FAM184A: variants seen among roughly 807,000 people sequenced by gnomAD.
FAM184A encodes family with sequence similarity 184 member A.
A neutral mutation model predicts 143.8 loss-of-function variants in FAM184A; 99 were observed. The ratio of observed to expected loss-of-function variants is 0.69; its 90% CI spans 0.58 to 0.81. The LOEUF is 0.81. FAM184A is among the 40% of genes least tolerant of loss of function. The pLI is 0.00. For missense variants in FAM184A, 1,217 were observed against 1,310.5 expected (o/e 0.93, Z 1.10); for synonymous variants, 427 against 446.4 (o/e 0.96, Z 0.55).
At chr6:118,973,798 T>G (rs1783766160) in intron 14 of FAM184A, among the ~76,000 whole-genome samples, 1 of 152,158 alleles carries the variant, frequency 6.6e-6, no homozygotes. Flanking sequence ...AATTAGAAAC[T>G]TTGGTTTTAA....
At chr6:118,984,887 C>G (rs1392769076) in intron 9 of FAM184A, among the ~76,000 whole-genome samples, 1 of 152,178 alleles carries the variant, frequency 6.6e-6, no homozygotes. Context: ...GAATTGGGCC[C>G]AGGCTGCCTA....
rs74402272 is a variant in FAM184A at position 119,025,553 on chromosome 6, C to A, written c.160-740G>T. The A allele has an allele frequency of 1.2e-3, 638 of 518,768 alleles. 3 individuals are homozygous for A. The highest frequency in any genetic ancestry group is 0.011 in the African/African-American group (565 of 52,014). The allele number at this position is 518,768 out of a possible 1,614,324, so 32.1% of individuals were successfully genotyped here. A position where few individuals can be genotyped will look rare whatever the true frequency, so the allele number is the denominator to read the frequency against. Reference sequence around the variant, plus strand: ...ACAGGTCTTTATTTTCATTTTAGTTCCTAGGTTTTAATGATTTCACTGAGA... The same window carrying A: ...ACAGGTCTTTATTTTCATTTTAGTTACTAGGTTTTAATGATTTCACTGAGA... On this transcript the variant is annotated intron_variant, in intron 1 of 17. Transcript: ENST00000338891.
chr6:119,054,921 C>A (rs1441266452), intron 1 of FAM184A, among the ~76,000 whole-genome samples: 2 of 152,042 alleles, frequency 1.3e-5, no homozygotes, highest in African/African-American at 4.8e-5. Context: ...AATTCACCCC[C>A]TTTAAAGTGT....
intron 1 of FAM184A, among the ~76,000 whole-genome samples, chr6:119,060,191 T>C (rs1787174877): frequency 6.6e-6 from 1 of 152,232 alleles, no homozygotes; most frequent in Non-Finnish European, 1.5e-5. Flanking sequence ...TCAGTTACAA[T>C]TCAAAGCTCC....
In FAM184A at chr6:119,049,641, T is replaced by C. The variant is rs566744463; in HGVS notation, c.160-24828A>G. 8.5e-5 allele frequency among the ~76,000 whole-genome samples: 13 copies of C among 152,186 alleles called. No homozygotes were observed. In the South Asian group the frequency reaches 1.9e-3, roughly 22 times the overall value. On this transcript the variant is annotated intron_variant, in intron 1 of 17. Transcript: ENST00000338891. Reference sequence around the variant, plus strand: ...TAACTGGCTAGCCATATGTAGAAGATTGGAATTGGACCCCTTCCTTACACC... The same window carrying C: ...TAACTGGCTAGCCATATGTAGAAGACTGGAATTGGACCCCTTCCTTACACC...
rs77063734 is a variant in FAM184A at position 119,004,237 on chromosome 6, C to T, written c.1816-615G>A. 1.3e-4 allele frequency among the ~76,000 whole-genome samples: 20 copies of T among 152,314 alleles called. No individual in the cohort carries two copies. The East Asian group carries it at 3.5e-3, about 26-fold the overall frequency. On this transcript the variant is annotated intron_variant, in intron 7 of 17. Transcript: ENST00000338891. The stretch of plus-strand genomic sequence containing the variant: ...TGACCTGTTTGGACAACAGTGGCAA[C>T]CATCGGCCCCTGCCAGCAGAGCAGC...
At chr6:119,070,293 T>C (rs931942204) in intron 1 of FAM184A, among the ~76,000 whole-genome samples, 3 of 152,168 alleles carry the variant, frequency 2.0e-5, no homozygotes, top group Non-Finnish European at 4.4e-5. Context: ...CAAATGACAG[T>C]TGTTCACTGA....
chr6:119,097,996 A>G (rs1788551203), intron 1 of FAM184A, among the ~76,000 whole-genome samples: 1 of 152,164 alleles, frequency 6.6e-6, no homozygotes, highest in Non-Finnish European at 1.5e-5. Flanking sequence ...GAGGTTTTGC[A>G]TCAGGAGGAG....
chr6:119,111,593 A>T (rs1163431663), intron 1 of FAM184A, among the ~76,000 whole-genome samples: 2 of 152,236 alleles, frequency 1.3e-5, no homozygotes, highest in South Asian at 4.1e-4. Flanking sequence ...GGCGTATTCC[A>T]GTTTATGTTA....
intron 5 of FAM184A, among the ~76,000 whole-genome samples, chr6:119,015,425 G>A (rs533067496): frequency 5.9e-5 from 9 of 152,262 alleles, no homozygotes; most frequent in East Asian, 5.8e-4. Context: ...CAGAGCGGCC[G>A]GCCGGCCCTG....
chr6:119,033,435 G>A (rs970198286), intron 1 of FAM184A, among the ~76,000 whole-genome samples: 2 of 151,306 alleles, frequency 1.3e-5, no homozygotes, highest in African/African-American at 2.4e-5. Context: ...GGAGGCCAAG[G>A]TGGTCAAATC....
intron 1 of FAM184A, among the ~76,000 whole-genome samples, chr6:119,091,754 A>G (rs1334925): frequency 0.21 from 32,398 of 152,154 alleles, 3,801 homozygotes; most frequent in Non-Finnish European, 0.26. Context: ...GATGCAATCA[A>G]TTTGCCCCTA....
At chr6:119,058,575 T>C (rs984211730) in intron 1 of FAM184A, among the ~76,000 whole-genome samples, 2 of 152,144 alleles carry the variant, frequency 1.3e-5, no homozygotes, top group African/African-American at 2.4e-5. Flanking sequence ...GCAAAAATGA[T>C]AGTGAATGAC....
At chr6:119,008,210 G>A (rs374323329) in intron 6 of FAM184A, among the ~76,000 whole-genome samples, 8 of 152,104 alleles carry the variant, frequency 5.3e-5, no homozygotes, top group South Asian at 2.1e-4. Context: ...GCATCTACTC[G>A]CCTTCTCTAT....
intron 1 of FAM184A, among the ~76,000 whole-genome samples, chr6:119,119,894 G>A (rs543043553): frequency 1.1e-4 from 16 of 152,154 alleles, no homozygotes; most frequent in Non-Finnish European, 1.8e-4. Context: ...TGAGTTGAGA[G>A]GATTGCTTGA....
chr6:119,119,932 C>G (rs1789166919), intron 1 of FAM184A, among the ~76,000 whole-genome samples: 2 of 152,168 alleles, frequency 1.3e-5, no homozygotes, highest in South Asian at 4.1e-4. Flanking sequence ...TGCAGTGAGC[C>G]ATGATTGTGC....
chr6:119,072,837 T>C (rs1787739712), intron 1 of FAM184A, among the ~76,000 whole-genome samples: 1 of 149,206 alleles, frequency 6.7e-6, no homozygotes, highest in South Asian at 2.1e-4. Context: ...TTAGGAATAA[T>C]TTAACTCAGC....
chr6:119,057,815 T>G (rs1276860629), intron 1 of FAM184A: 1 of 147,968 alleles, frequency 6.8e-6, no homozygotes, highest in Non-Finnish European at 1.5e-5. Context: ...ATGACGCATA[T>G]CACATTACAT....
At chr6:119,038,934 T>G (rs1213410509) in intron 1 of FAM184A, among the ~76,000 whole-genome samples, 2 of 152,192 alleles carry the variant, frequency 1.3e-5, no homozygotes, top group East Asian at 1.9e-4. Flanking sequence ...TTAACCAAAA[T>G]GTACAAAGAA....
Sources: allele counts gnomAD v4.1 joint callset (sites outside exome capture counted in the v4.1 genomes callset), GRCh38; gene constraint gnomAD v4.1.1; transcripts MANE v1.5; gene names NCBI Gene and HGNC (gene_info 2026-07-23, HGNC 2026-07-21).